The following CLASP2 variants were observed in gnomAD, a reference collection of about 807,000 sequenced individuals.
CLASP2 encodes cytoplasmic linker associated protein 2.
A neutral mutation model predicts 194.4 loss-of-function variants in CLASP2; 47 were observed. The observed-to-expected ratio is 0.24, with a 90% confidence interval of 0.19 to 0.31. The LOEUF (loss-of-function observed/expected upper bound fraction) is 0.31. Among genes scored for constraint, CLASP2 ranks in the 10% least tolerant of loss-of-function variants. The pLI, the probability that CLASP2 is intolerant of heterozygous loss-of-function variation, is 1.00. For missense variants in CLASP2, 1,445 were observed against 1,823.6 expected (o/e 0.79, Z 3.78); for synonymous variants, 619 against 633.5 (o/e 0.98, Z 0.34).
chr3:33,602,360 C>G, intron 18 of CLASP2: 1 of 592,326 alleles, frequency 1.7e-6, no homozygotes, highest in Non-Finnish European at 3.0e-6. Context: ...GTATGCTCAA[C>G]CTGTATTGTG....
chr3:33,658,698 C>T (rs2084740355), intron 7 of CLASP2, among the ~76,000 whole-genome samples: 1 of 152,156 alleles, frequency 6.6e-6, no homozygotes, highest in South Asian at 2.1e-4. Context: ...TTCCAATATC[C>T]CTTCATATCT....
intron 29 of CLASP2, among the ~76,000 whole-genome samples, chr3:33,555,720 GA>G (rs1389103844): frequency 6.6e-6 from 1 of 152,132 alleles, no homozygotes; most frequent in African/African-American, 2.4e-5. Flanking sequence ...TGAATAGCTG[GA>G]AGGTGACTAT....
chr3:33,597,175 C>A (rs1488050673), intron 18 of CLASP2, among the ~76,000 whole-genome samples: 1 of 152,134 alleles, frequency 6.6e-6, no homozygotes, highest in Non-Finnish European at 1.5e-5. Context: ...GCTTCCCCAC[C>A]CACATCCTTT....
At chr3:33,644,725 T>C (rs372059437) in intron 8 of CLASP2, 32 bp downstream of exon 8, 254 of 1,611,134 alleles carry the variant, frequency 1.6e-4, no homozygotes, top group Non-Finnish European at 2.0e-4. Context: ...GCATGGAGCA[T>C]GCATAACAGA....
chr3:33,567,082 A>T (rs1386583359), intron 26 of CLASP2, among the ~76,000 whole-genome samples: 1 of 152,126 alleles, frequency 6.6e-6, no homozygotes, highest in Non-Finnish European at 1.5e-5. Context: ...ACATACTCCC[A>T]CTTCTGAATG....
chr3:33,520,258 G>A (rs764535832), intron 34 of CLASP2, among the ~76,000 whole-genome samples: 14 of 152,268 alleles, frequency 9.2e-5, no homozygotes, highest in Admixed American at 1.3e-4. Flanking sequence ...TGCCTGCCTC[G>A]GCCTCCCAAA....
intron 6 of CLASP2, among the ~76,000 whole-genome samples, chr3:33,672,514 T>C (rs940862988): frequency 5.0e-4 from 76 of 152,124 alleles, no homozygotes; most frequent in Non-Finnish European, 9.0e-4. Context: ...GCAGAAGAAC[T>C]GGAAACTCTA....
intron 32 of CLASP2, among the ~76,000 whole-genome samples, chr3:33,540,489 G>C (rs1306993006): frequency 2.0e-5 from 3 of 151,252 alleles, no homozygotes; most frequent in African/African-American, 7.3e-5. Flanking sequence ...TGATCCTCCT[G>C]CCTTGGCCTC....
chr3:33,568,040 G>GA (rs1157463919), intron 26 of CLASP2, among the ~76,000 whole-genome samples: 1 of 152,002 alleles, frequency 6.6e-6, no homozygotes, highest in Non-Finnish European at 1.5e-5. Flanking sequence ...GTATATGAAG[G>GA]AAAAAAAGTT....
At chr3:33,697,311 C>T (rs1235747586) in intron 1 of CLASP2, among the ~76,000 whole-genome samples, 1 of 152,176 alleles carries the variant, frequency 6.6e-6, no homozygotes, top group Non-Finnish European at 1.5e-5. Flanking sequence ...AGTGCATTTA[C>T]ACCTAGACAG....
intron 22 of CLASP2, among the ~76,000 whole-genome samples, chr3:33,583,233 G>C (rs1179996293): frequency 3.3e-5 from 5 of 152,204 alleles, no homozygotes; most frequent in Non-Finnish European, 7.3e-5. Context: ...AATACTGAAG[G>C]GAAAGCAATC....
intron 8 of CLASP2, chr3:33,644,403 C>G (rs2081921835): frequency 3.6e-6 from 1 of 278,816 alleles, no homozygotes; most frequent in Non-Finnish European, 7.0e-6. Flanking sequence ...TTCAACATTT[C>G]TGTAACAGCT....
intron 34 of CLASP2, among the ~76,000 whole-genome samples, chr3:33,526,067 G>A (rs895866682): frequency 6.6e-6 from 1 of 152,040 alleles, no homozygotes; most frequent in East Asian, 1.9e-4. Flanking sequence ...GCAGGCTGCT[G>A]CTGCTGCTTC....
At position 33,607,977 on chromosome 3, in the gene CLASP2, A is replaced by G. The variant is rs116310973; in HGVS notation, c.1449-516T>C. Among the ~76,000 whole-genome samples, 1,290 of 152,370 alleles carry G rather than the reference A, an allele frequency of 8.5e-3. 21 individuals carry two copies. The highest frequency in any genetic ancestry group is 0.028 in the African/African-American group (1,168 of 41,594). ...GAATTCAAGAATTTCCATGAAAATG[A>G]AAAATCAGCAATATACTCAAGGTAA... On this transcript the variant is annotated intron_variant, in intron 14 of 38. Transcript: ENST00000682230.
rs374486947 is a variant in CLASP2, at chr3:33,609,266, T to C, written c.1389-640A>G. Reference sequence around the variant, plus strand: ...CTGTACTCCAGCCTGGGCAACACAGTGAGAACCTGTCTCAAAAATAAATTA... The same window carrying C: ...CTGTACTCCAGCCTGGGCAACACAGCGAGAACCTGTCTCAAAAATAAATTA... On this transcript the variant is annotated intron_variant, in intron 13 of 38. Coordinates refer to ENST00000682230, the MANE Select transcript of CLASP2 (RefSeq NM_001365631.1). Among the ~76,000 whole-genome samples the C allele has an allele frequency of 9.2e-5, 14 of 152,214 alleles. No individual in the cohort carries two copies. In the East Asian group the frequency reaches 1.2e-3, roughly 13 times the overall value.
intron 1 of CLASP2, among the ~76,000 whole-genome samples, chr3:33,697,577 T>C (rs925557225): frequency 1.2e-4 from 19 of 152,208 alleles, no homozygotes; most frequent in Non-Finnish European, 2.2e-4. Flanking sequence ...ACAATGTTGT[T>C]ATGTGGTATG....
chr3:33,680,104 T>C (rs971096044), intron 6 of CLASP2, among the ~76,000 whole-genome samples: 1 of 152,152 alleles, frequency 6.6e-6, no homozygotes, highest in African/African-American at 2.4e-5. Context: ...ATATGTATTA[T>C]GAAGTGAAAG....
intron 8 of CLASP2, among the ~76,000 whole-genome samples, chr3:33,643,035 C>T (rs1039607630): frequency 6.6e-6 from 1 of 151,810 alleles, no homozygotes; most frequent in Non-Finnish European, 1.5e-5. Context: ...GCTACTTAAC[C>T]TTTTCATTTA....
At chr3:33,640,443 A>G (rs2081067717) in intron 8 of CLASP2, among the ~76,000 whole-genome samples, 1 of 152,198 alleles carries the variant, frequency 6.6e-6, no homozygotes, top group Admixed American at 6.5e-5. Flanking sequence ...CAATTACCTA[A>G]TTATAAGAAC....
Sources: gnomAD v4.1 joint callset for allele counts (sites outside exome capture counted in the v4.1 genomes callset) on GRCh38, gnomAD v4.1.1 for gene constraint, MANE v1.5 for transcripts, NCBI Gene and HGNC (gene_info 2026-07-23, HGNC 2026-07-21) for gene names.